The following ATXN7 variants were observed in gnomAD, a reference collection of about 807,000 sequenced individuals.
ATXN7 encodes the protein ataxin 7, also known as ataxin-7.
A neutral mutation model predicts 70.5 loss-of-function variants in ATXN7; 12 were observed. That is an observed-to-expected ratio of 0.17 (90% CI 0.11 to 0.28). The LOEUF (loss-of-function observed/expected upper bound fraction) is 0.28. Ranked by LOEUF, ATXN7 falls within the 10% of genes least tolerant of loss-of-function variation. The pLI, the probability that ATXN7 is intolerant of heterozygous loss-of-function variation, is 1.00. For missense variants in ATXN7, 1,256 were observed against 1,131.7 expected (o/e 1.11, Z -1.58); for synonymous variants, 498 against 448.7 (o/e 1.11, Z -1.39).
At chr3:63,983,593 A>G (rs886310992) in intron 8 of ATXN7, among the ~76,000 whole-genome samples, 46 of 152,258 alleles carry the variant, frequency 3.0e-4, no homozygotes, top group African/African-American at 1.1e-3. Context: ...CCTGGAGAAC[A>G]TTACGAGACC....
chr3:63,865,255 G>C (rs1332664032), intron 1 of ATXN7: 5 of 152,192 alleles, frequency 3.3e-5, no homozygotes, highest in African/African-American at 1.2e-4. Flanking sequence ...CATATTATGT[G>C]AGACCAGTGA....
chr3:63,926,645 C>A (rs1010193744), intron 4 of ATXN7, among the ~76,000 whole-genome samples: 4 of 152,112 alleles, frequency 2.6e-5, no homozygotes, highest in Admixed American at 2.6e-4. Context: ...CCTACAGGCT[C>A]CACTTGGGCT....
chr3:63,930,098 A>G (rs570431588), intron 4 of ATXN7, among the ~76,000 whole-genome samples: 2 of 152,304 alleles, frequency 1.3e-5, no homozygotes, highest in Admixed American at 6.5e-5. Flanking sequence ...AACATGAAAA[A>G]TGGGTCTTAA....
At chr3:63,933,927 T>C in intron 4 of ATXN7, among the ~76,000 whole-genome samples, 1 of 152,118 alleles carries the variant, frequency 6.6e-6, no homozygotes, top group East Asian at 1.9e-4. Flanking sequence ...TGTTTTTTTT[T>C]TTCCTAAATT....
rs1356659373 is a variant in ATXN7 at position 63,952,399 on chromosome 3, T to C, written c.415T>C (p.Cys139Arg). 6.2e-7 allele frequency: 1 copy of C among 1,610,480 alleles called. No homozygotes were observed. The highest frequency in any genetic ancestry group is 1.3e-5 in the African/African-American group (1 of 74,890). ...TGCAGACATGCCAATATTTGGTTTCTGTCCAGCCCATGATGATTTCTACTT... is the reference window on the plus strand; with the variant it reads ...TGCAGACATGCCAATATTTGGTTTCCGTCCAGCCCATGATGATTTCTACTT... ...CREDMPIFGFCPAHDDFYLVV... is the reference protein window; with the variant it reads ...CREDMPIFGFRPAHDDFYLVV... Residue 139 changes from cysteine (C) to arginine (R), a missense_variant, in exon 5 of 13, where the codon TGT (cysteine) becomes CGT (arginine). Physicochemically the swap from Cys to Arg is radical, Grantham distance 180. Transcript: ENST00000674280.
intron 2 of ATXN7, among the ~76,000 whole-genome samples, chr3:63,899,607 T>C (rs1007583527): frequency 4.6e-5 from 7 of 151,670 alleles, no homozygotes; most frequent in Admixed American, 6.6e-5. Flanking sequence ...CCCCCAACTC[T>C]AGAAATTTTT....
intron 4 of ATXN7, among the ~76,000 whole-genome samples, chr3:63,918,665 T>C (rs1171816770): frequency 1.3e-5 from 2 of 152,228 alleles, no homozygotes; most frequent in African/African-American, 4.8e-5. Flanking sequence ...TTTTGTGTTC[T>C]GCACCTTTCT....
At chr3:63,993,638 C>T (rs1302621324) in intron 11 of ATXN7, among the ~76,000 whole-genome samples, 1 of 152,162 alleles carries the variant, frequency 6.6e-6, no homozygotes, top group Admixed American at 6.5e-5. Flanking sequence ...CCTCTTTATA[C>T]ACAAAAGAGT....
chr3:63,884,561 A>G (rs930403401), intron 1 of ATXN7, among the ~76,000 whole-genome samples: 8 of 152,118 alleles, frequency 5.3e-5, no homozygotes, highest in African/African-American at 1.9e-4. Flanking sequence ...GAATAGATAA[A>G]TCTTTAATAT....
chr3:64,001,393 A>G lies in ATXN7; in HGVS notation c.*1926A>G, dbSNP rs1238370820. ...GTCTGGTTTCCATCCCAGTCGGGGA[A>G]GAGAGAGGTGAGAGGGAATCAGAAC... is the stretch of plus-strand genomic sequence containing the variant. On this transcript the variant is annotated 3_prime_UTR_variant, in exon 13 of 13. Transcript: ENST00000674280. 2.0e-5 allele frequency: 3 copies of G among 152,188 alleles called. No individual in the cohort carries two copies. Among genetic ancestry groups the G allele is most frequent in the Non-Finnish European group, 2.9e-5 (2 of 68,046 alleles). 9.4% of individuals were successfully genotyped at this position (152,188 alleles called of 1,614,324 possible).
chr3:63,952,807 T>A (rs924526392), intron 5 of ATXN7, among the ~76,000 whole-genome samples: 1 of 145,906 alleles, frequency 6.9e-6, no homozygotes, highest in Non-Finnish European at 1.5e-5. Context: ...TTTAAAATTA[T>A]ATACACTCAC....
At chr3:63,969,164 A>T (rs1292456926) in intron 5 of ATXN7, among the ~76,000 whole-genome samples, 1 of 152,212 alleles carries the variant, frequency 6.6e-6, no homozygotes, top group Non-Finnish European at 1.5e-5. Context: ...TTCCTGGGTA[A>T]TTAATCACTC....
chr3:63,980,433 A>G (rs1356955781), intron 6 of ATXN7: 4 of 476,232 alleles, frequency 8.4e-6, no homozygotes, highest in South Asian at 2.7e-5. Context: ...TGTGTGTACT[A>G]TGTCACTTAT....
intron 1 of ATXN7, among the ~76,000 whole-genome samples, chr3:63,892,716 G>C (rs761428790): frequency 6.6e-6 from 1 of 152,168 alleles, no homozygotes; most frequent in African/African-American, 2.4e-5. Context: ...AACCTGAGTG[G>C]CTGGGTAGCC....
upstream of ATXN7, chr3:63,863,665 GC>G: frequency 8.1e-7 from 1 of 1,228,186 alleles, no homozygotes; most frequent in Non-Finnish European, 1.0e-6. Context: ...TGGCGAAGAG[GC>G]CGGGGAGGCC....
chr3:63,995,982 C>T lies in ATXN7; in HGVS notation c.2160C>T (p.Ser720=), dbSNP rs1029978550. 7 of 1,613,984 alleles carry T rather than the reference C, an allele frequency of 4.3e-6. No individual in the cohort carries two copies. In the African/African-American group the frequency reaches 6.7e-5, roughly 15 times the overall value. ...CACTGTTGGTTCACTCTTCCTCCTC[C>T]TCTTCCTCCTCCTCCTCTTCTTCTC... ...SSPLLVHSSS[S]SSSSSSSSHS... Residue 720 remains serine, a synonymous_variant, in exon 12 of 13, where the codon TCC becomes TCT. Coordinates refer to ENST00000674280, the MANE Select transcript of ATXN7 (RefSeq NM_001377405.1).
intron 1 of ATXN7, among the ~76,000 whole-genome samples, chr3:63,891,901 G>A (rs573582517): frequency 4.6e-5 from 7 of 152,288 alleles, no homozygotes; most frequent in East Asian, 1.9e-4. Flanking sequence ...AAAACTGTAC[G>A]AGCATTATTA....
At chr3:63,911,408 G>C (rs1001391685) in intron 2 of ATXN7, 3 of 152,160 alleles carry the variant, frequency 2.0e-5, no homozygotes, top group Non-Finnish European at 4.4e-5. Flanking sequence ...ACCGAAAACA[G>C]TATTTTCTAA....
At chr3:63,941,689 C>G (rs2074771534) in intron 4 of ATXN7, among the ~76,000 whole-genome samples, 1 of 151,918 alleles carries the variant, frequency 6.6e-6, no homozygotes, top group Admixed American at 6.6e-5. Flanking sequence ...AGACCTCATA[C>G]ATTTAGTAGC....
Sources: gnomAD v4.1 joint callset for allele counts (sites outside exome capture counted in the v4.1 genomes callset) on GRCh38, gnomAD v4.1.1 for gene constraint, MANE v1.5 for transcripts, NCBI Gene and HGNC (gene_info 2026-07-23, HGNC 2026-07-21) for gene names.